The following KCNJ3 variants were observed in gnomAD, a reference collection of about 807,000 sequenced individuals.
The protein encoded by KCNJ3 is potassium inwardly rectifying channel subfamily J member 3.
KCNJ3 carries 4 observed loss-of-function variants against 39.2 expected under a neutral mutation model. The ratio of observed to expected loss-of-function variants is 0.10; its 90% CI spans 0.05 to 0.23. The LOEUF is 0.23. Ranked by LOEUF, KCNJ3 falls within the 10% of genes least tolerant of loss-of-function variation. The probability of loss-of-function intolerance (pLI) is 1.00; values close to 1 mark genes in which losing one functional copy is unlikely to be tolerated. For missense variants in KCNJ3, 276 were observed against 634.9 expected, an observed-to-expected ratio of 0.43 and a Z score of 6.08; for synonymous variants, 230 against 237.4, an observed-to-expected ratio of 0.97 and a Z score of 0.29.
rs565004963 is a variant in KCNJ3, at chr2:154,847,747, C to T, written c.920-6980C>T. On this transcript the variant is annotated intron_variant, in intron 2 of 2. Transcript: ENST00000295101. ...TCTCACAATCTTCTTTTAAAATCAGCAGGGTGGGCCTTAATGTACAGATAA... is the reference window on the plus strand; with the variant it reads ...TCTCACAATCTTCTTTTAAAATCAGTAGGGTGGGCCTTAATGTACAGATAA... Among the ~76,000 whole-genome samples, 3 of 152,244 alleles carry T rather than the reference C, an allele frequency of 2.0e-5. No individual in the cohort carries two copies. In the South Asian group the frequency reaches 6.2e-4, roughly 32 times the overall value.
At chr2:154,834,120 G>A (rs1293087311) in intron 2 of KCNJ3, among the ~76,000 whole-genome samples, 1 of 152,152 alleles carries the variant, frequency 6.6e-6, no homozygotes, top group African/African-American at 2.4e-5. Flanking sequence ...CTGGCAAACT[G>A]TCTTCAAAAG....
At chr2:154,728,376 CA>C (rs1450236951) in intron 2 of KCNJ3, among the ~76,000 whole-genome samples, 2 of 152,138 alleles carry the variant, frequency 1.3e-5, no homozygotes, top group Admixed American at 6.6e-5. Flanking sequence ...TGATGCTGGG[CA>C]GCCATGCAAA....
chr2:154,777,382 T>G (rs1166591640), intron 2 of KCNJ3, among the ~76,000 whole-genome samples: 4 of 152,200 alleles, frequency 2.6e-5, no homozygotes, highest in Non-Finnish European at 1.5e-5. Flanking sequence ...CATGTACATT[T>G]ATTGGGTTAG....
intron 2 of KCNJ3, among the ~76,000 whole-genome samples, chr2:154,760,882 G>A (rs1408991271): frequency 1.3e-5 from 2 of 150,342 alleles, no homozygotes; most frequent in Non-Finnish European, 3.0e-5. Flanking sequence ...GACTACAGGT[G>A]CCCGCCACCA....
At chr2:154,786,794 A>G (rs1686537354) in intron 2 of KCNJ3, among the ~76,000 whole-genome samples, 1 of 152,226 alleles carries the variant, frequency 6.6e-6, no homozygotes, top group Admixed American at 6.5e-5. Flanking sequence ...TTTGTTTAGA[A>G]TAGTAGTTGC....
intron 2 of KCNJ3, among the ~76,000 whole-genome samples, chr2:154,738,648 C>T (rs1044374209): frequency 2.6e-5 from 4 of 151,746 alleles, no homozygotes; most frequent in South Asian, 2.1e-4. Flanking sequence ...AAAAAAGACA[C>T]GTAAGTATAG....
chr2:154,768,196 T>C (rs1376722709), intron 2 of KCNJ3, among the ~76,000 whole-genome samples: 2 of 152,246 alleles, frequency 1.3e-5, no homozygotes, highest in Admixed American at 1.3e-4. Flanking sequence ...TTTAATTAGA[T>C]CCCATTTGTC....
intron 2 of KCNJ3, among the ~76,000 whole-genome samples, chr2:154,845,523 T>A (rs1052023784): frequency 2.6e-5 from 4 of 152,252 alleles, no homozygotes; most frequent in Non-Finnish European, 5.9e-5. Flanking sequence ...CTAAAAATTG[T>A]ATCTTACTGC....
At chr2:154,830,297 T>C (rs1241073935) in intron 2 of KCNJ3, among the ~76,000 whole-genome samples, 1 of 152,176 alleles carries the variant, frequency 6.6e-6, no homozygotes, top group African/African-American at 2.4e-5. Context: ...TCATCAGATC[T>C]GAATAAAGTA....
chr2:154,739,397 TAG>T (rs544984163), intron 2 of KCNJ3, among the ~76,000 whole-genome samples: 111 of 152,174 alleles, frequency 7.3e-4, no homozygotes, highest in African/African-American at 2.6e-3. Context: ...TTAAGATTCT[TAG>T]AATAAGTGTC....
chr2:154,827,656 A>G (rs1232664920), intron 2 of KCNJ3, among the ~76,000 whole-genome samples: 2 of 152,112 alleles, frequency 1.3e-5, no homozygotes, highest in African/African-American at 4.8e-5. Flanking sequence ...GGAAGGTGTA[A>G]ACAATTCAAA....
chr2:154,723,296 G>GATAAA (rs112585358), intron 2 of KCNJ3, among the ~76,000 whole-genome samples: 68,827 of 151,088 alleles, frequency 0.46, 15,835 homozygotes, highest in Non-Finnish European at 0.47. Context: ...AAAATAAAAA[G>GATAAA]ATAAAATAAA....
intron 2 of KCNJ3, among the ~76,000 whole-genome samples, chr2:154,825,855 A>G (rs1687262149): frequency 6.7e-6 from 1 of 149,094 alleles, no homozygotes; most frequent in Admixed American, 6.7e-5. Flanking sequence ...CTGGGATTAC[A>G]GTCATGAGCC....
chr2:154,844,648 G>A (rs1192486110), intron 2 of KCNJ3, among the ~76,000 whole-genome samples: 2 of 151,740 alleles, frequency 1.3e-5, no homozygotes, highest in African/African-American at 4.8e-5. Flanking sequence ...TCAAGCCTCA[G>A]CAATGGTGGA....
intron 2 of KCNJ3, among the ~76,000 whole-genome samples, chr2:154,757,155 A>C (rs560140413): frequency 6.6e-6 from 1 of 152,340 alleles, no homozygotes; most frequent in South Asian, 2.1e-4. Flanking sequence ...AAAATATTAT[A>C]AATCAAGAAT....
chr2:154,706,191 C>T (rs1298091466), intron 1 of KCNJ3, among the ~76,000 whole-genome samples: 1 of 151,936 alleles, frequency 6.6e-6, no homozygotes, highest in Non-Finnish European at 1.5e-5. Flanking sequence ...TTGATCTAGA[C>T]CATATCAATT....
chr2:154,752,478 G>A (rs1310867653), intron 2 of KCNJ3, among the ~76,000 whole-genome samples: 2 of 151,704 alleles, frequency 1.3e-5, no homozygotes, highest in Admixed American at 6.6e-5. Context: ...TATATGTTTT[G>A]GTTAAAACAA....
intron 2 of KCNJ3, among the ~76,000 whole-genome samples, chr2:154,752,469 A>G (rs1223833880): frequency 1.3e-5 from 2 of 152,022 alleles, no homozygotes; most frequent in South Asian, 2.1e-4. Context: ...ATTGAGAGAT[A>G]TATGTTTTGG....
intron 2 of KCNJ3, among the ~76,000 whole-genome samples, chr2:154,762,893 TA>T (rs1425340416): frequency 6.6e-6 from 1 of 152,038 alleles, no homozygotes; most frequent in Non-Finnish European, 1.5e-5. Flanking sequence ...ACTAGAGAAA[TA>T]AAAAGCGGGT....
Sources: gnomAD v4.1 joint callset for allele counts (sites outside exome capture counted in the v4.1 genomes callset) on GRCh38, gnomAD v4.1.1 for gene constraint, MANE v1.5 for transcripts, NCBI Gene and HGNC (gene_info 2026-07-23, HGNC 2026-07-21) for gene names.